The following NAA35 variants were observed in gnomAD, a reference collection of about 807,000 sequenced individuals.
The protein encoded by NAA35 is N-alpha-acetyltransferase 35, NatC auxiliary subunit.
In NAA35, 18 loss-of-function variants were observed where a neutral mutation model predicts 101.7. The observed-to-expected ratio is 0.18, with a 90% CI of 0.12 to 0.26. The LOEUF (loss-of-function observed/expected upper bound fraction) is 0.26. Among genes scored for constraint, NAA35 ranks in the 10% least tolerant of loss-of-function variants. The pLI is 1.00. For synonymous variants in NAA35, 267 were observed against 273.1 expected, an observed-to-expected ratio of 0.98 and a Z score of 0.22; for missense variants, 601 against 886.8, an observed-to-expected ratio of 0.68 and a Z score of 4.09.
At chr9:86,014,135 A>T (rs961508404) in intron 17 of NAA35, among the ~76,000 whole-genome samples, 2 of 152,224 alleles carry the variant, frequency 1.3e-5, no homozygotes, top group African/African-American at 4.8e-5. Flanking sequence ...CTCCAAAGTA[A>T]ATGGATTAAT....
At chr9:85,948,207 A>T (rs1445115678) in intron 2 of NAA35, among the ~76,000 whole-genome samples, 1 of 152,208 alleles carries the variant, frequency 6.6e-6, no homozygotes, top group Non-Finnish European at 1.5e-5. Flanking sequence ...AATATTATTC[A>T]TAGCTGAGCC....
chr9:85,960,609 C>G (rs188721367), intron 5 of NAA35, among the ~76,000 whole-genome samples: 81 of 152,258 alleles, frequency 5.3e-4, no homozygotes, highest in African/African-American at 1.9e-3. Context: ...GAATCTTAAT[C>G]CTGATCCTTC....
chr9:85,962,562 A>G lies in NAA35; in HGVS notation c.516+382A>G, dbSNP rs185302603. 1.3e-3 allele frequency among the ~76,000 whole-genome samples: 190 copies of G among 151,842 alleles called. 4 individuals carry two copies. The South Asian group carries it at 0.033, about 27-fold the overall frequency. ...TTGACTACCTTATTCACTGTGATGT[A>G]TTTAAATGATTTTGTGATATGTACT... On this transcript the variant is annotated intron_variant, in intron 6 of 22. Coordinates refer to ENST00000361671, the MANE Select transcript of NAA35 (RefSeq NM_024635.4).
At chr9:85,943,593 T>C (rs958984540) in intron 2 of NAA35, among the ~76,000 whole-genome samples, 1 of 149,678 alleles carries the variant, frequency 6.7e-6, no homozygotes, top group Non-Finnish European at 1.5e-5. Context: ...GGAAAGGACG[T>C]AAGACTGGGA....
At chr9:85,969,539 A>G (rs1431931903) in intron 6 of NAA35, among the ~76,000 whole-genome samples, 2 of 152,170 alleles carry the variant, frequency 1.3e-5, no homozygotes, top group Admixed American at 6.5e-5. Context: ...GATAATTTAC[A>G]TCAGCATGCA....
At chr9:85,956,847 G>GTGAAC (rs1418508764) in intron 3 of NAA35, among the ~76,000 whole-genome samples, 1 of 152,168 alleles carries the variant, frequency 6.6e-6, no homozygotes, top group Middle Eastern at 3.2e-3. Flanking sequence ...ATGACTGGAA[G>GTGAAC]GTTCAAGACT....
At chr9:86,021,053 G>A in intron 22 of NAA35, 84 bp downstream of exon 22, 9 of 1,004,312 alleles carry the variant, frequency 9.0e-6, no homozygotes, top group East Asian at 8.2e-5. Flanking sequence ...AAATATTACA[G>A]GAAAAATTAA....
intron 2 of NAA35, among the ~76,000 whole-genome samples, chr9:85,948,260 T>G (rs980038215): frequency 6.6e-6 from 1 of 152,202 alleles, no homozygotes; most frequent in East Asian, 1.9e-4. Flanking sequence ...TGCATACTTC[T>G]GTTTTACACA....
chr9:86,009,749 A>G (rs1243124218), intron 14 of NAA35, 116 bp from the exon 15 acceptor site: 8 of 687,012 alleles, frequency 1.2e-5, no homozygotes, highest in Non-Finnish European at 1.8e-5. Flanking sequence ...TAACTTAGGT[A>G]TCGGTTCCAT....
At chr9:86,002,573 A>G (rs1174935168) in intron 12 of NAA35, among the ~76,000 whole-genome samples, 2 of 148,904 alleles carry the variant, frequency 1.3e-5, no homozygotes, top group African/African-American at 5.0e-5. Flanking sequence ...TTTTTTCTTT[A>G]TTTTTGTCTG....
At position 85,980,925 on chromosome 9, in the gene NAA35, A is replaced by G. The variant is rs560686390; in HGVS notation, c.877+2544A>G. Reference sequence around the variant, plus strand: ...TTACCCAGTTGTCAGTCTTGTAACCAGAAAGGCAAGTTTTTACTGATCGAC... The same window carrying G: ...TTACCCAGTTGTCAGTCTTGTAACCGGAAAGGCAAGTTTTTACTGATCGAC... On this transcript the variant is annotated intron_variant, in intron 11 of 22. Transcript: ENST00000361671. 2.0e-5 allele frequency among the ~76,000 whole-genome samples: 3 copies of G among 152,292 alleles called. 1 individual carries two copies. Among genetic ancestry groups the G allele is most frequent in the African/African-American group, 7.2e-5 (3 of 41,582 alleles).
At chr9:85,958,760 G>A (rs1483186813) in intron 4 of NAA35, among the ~76,000 whole-genome samples, 174 bp downstream of exon 4, 1 of 152,104 alleles carries the variant, frequency 6.6e-6, no homozygotes, top group African/African-American at 2.4e-5. Context: ...GAAAATTGAG[G>A]TCTTCATTAA....
rs1019406802 is a variant in NAA35 at position 86,022,998 on chromosome 9, A to C, written c.*1038A>C. Among the ~76,000 whole-genome samples, 66 of 152,180 alleles carry C rather than the reference A, an allele frequency of 4.3e-4. No individual in the cohort carries two copies. The highest frequency in any genetic ancestry group is 2.9e-3 in the Admixed American group (44 of 15,280). ...AGTTTTATATTTGGTCTGTGGTTAA[A>C]AGGGTTCTCAGCTTCAAATATCTTA... On this transcript the variant is annotated 3_prime_UTR_variant, in exon 23 of 23. Coordinates refer to ENST00000361671, the MANE Select transcript of NAA35 (RefSeq NM_024635.4).
At chr9:85,991,184 G>A (rs1393911791) in intron 11 of NAA35, among the ~76,000 whole-genome samples, 1 of 152,098 alleles carries the variant, frequency 6.6e-6, no homozygotes, top group East Asian at 1.9e-4. Flanking sequence ...GTCTAGTACA[G>A]GGTTTTGGAG....
chr9:86,016,753 G>A (rs1832247161), intron 18 of NAA35, 78 bp downstream of exon 18: 1 of 1,442,052 alleles, frequency 6.9e-7, no homozygotes, highest in African/African-American at 1.4e-5. Flanking sequence ...AGCTACTCGT[G>A]AGTTGGTCAT....
At chr9:85,945,604 G>A (rs1351453543) in intron 2 of NAA35, among the ~76,000 whole-genome samples, 1 of 151,064 alleles carries the variant, frequency 6.6e-6, no homozygotes, top group Non-Finnish European at 1.5e-5. Context: ...CGGCTCACTC[G>A]ACCTCCCGGG....
intron 21 of NAA35, 72 bp downstream of exon 21, chr9:86,018,893 G>A: frequency 6.4e-7 from 1 of 1,555,098 alleles, no homozygotes; most frequent in Non-Finnish European, 8.7e-7. Flanking sequence ...CTGGATGAAA[G>A]TTAATTATGA....
At chr9:85,977,030 G>A (rs1830240322) in intron 9 of NAA35, among the ~76,000 whole-genome samples, 1 of 152,076 alleles carries the variant, frequency 6.6e-6, no homozygotes, top group Non-Finnish European at 1.5e-5. Context: ...AACCTTTGTC[G>A]AGATTCTAAA....
At chr9:86,013,587 TA>T in intron 16 of NAA35, 131 bp from the exon 17 acceptor site, 1 of 804,446 alleles carries the variant, frequency 1.2e-6, no homozygotes, top group Non-Finnish European at 1.9e-6. Context: ...AAAATGCATT[TA>T]AAAATGTTTC....
Sources: allele counts gnomAD v4.1 joint callset (sites outside exome capture counted in the v4.1 genomes callset), GRCh38; gene constraint gnomAD v4.1.1; transcripts MANE v1.5; gene names NCBI Gene and HGNC (gene_info 2026-07-23, HGNC 2026-07-21).